The following ARHGAP26 variants were observed in gnomAD, a reference collection of about 807,000 sequenced individuals.
ARHGAP26 encodes the protein rho GTPase-activating protein 26.
ARHGAP26 carries 38 observed loss-of-function variants against 104.8 expected under a neutral mutation model. The observed-to-expected ratio is 0.36, with a 90% confidence interval of 0.28 to 0.48. ARHGAP26 has a LOEUF of 0.48. ARHGAP26 is among the 20% of genes least tolerant of loss of function. The probability of loss-of-function intolerance (pLI) is 0.99; values close to 1 mark genes in which losing one functional copy is unlikely to be tolerated. For missense variants in ARHGAP26, 704 were observed against 947.9 expected (o/e 0.74, Z 3.38); for synonymous variants, 341 against 340.0 (o/e 1.00, Z -0.03).
chr5:142,944,276 C>G (rs1418023108), intron 11 of ARHGAP26, among the ~76,000 whole-genome samples: 1 of 152,100 alleles, frequency 6.6e-6, no homozygotes, highest in Middle Eastern at 3.2e-3. Flanking sequence ...GATTATTAGG[C>G]CTTTAGTCTT....
At chr5:142,987,265 T>C (rs561658025) in intron 11 of ARHGAP26, among the ~76,000 whole-genome samples, 16 of 152,330 alleles carry the variant, frequency 1.1e-4, no homozygotes, top group African/African-American at 3.8e-4. Flanking sequence ...CAATTGTGAA[T>C]GGGAGTTCAC....
rs377107959 is a variant in ARHGAP26, at chr5:143,079,689, G to A, written c.1538+21942G>A. Among the ~76,000 whole-genome samples, 60 of 152,250 alleles carry A rather than the reference G, an allele frequency of 3.9e-4. No homozygotes were observed. In the South Asian group the frequency reaches 0.012, roughly 30 times the overall value. Reference sequence around the variant, plus strand: ...CTTGCTTCATCTCAATGACTCCTTGGGATATTGTTATGTGTACATTGGACC... The same window carrying A: ...CTTGCTTCATCTCAATGACTCCTTGAGATATTGTTATGTGTACATTGGACC... On this transcript the variant is annotated intron_variant, in intron 17 of 22. Coordinates refer to ENST00000645722, the MANE Select transcript of ARHGAP26 (RefSeq NM_001135608.3).
intron 8 of ARHGAP26, among the ~76,000 whole-genome samples, chr5:142,906,416 C>T (rs1450827706): frequency 1.3e-5 from 2 of 152,212 alleles, no homozygotes; most frequent in Non-Finnish European, 2.9e-5. Context: ...GGTGACTTCT[C>T]AGTTCCACCA....
chr5:143,083,372 T>C (rs1391736424), intron 17 of ARHGAP26, among the ~76,000 whole-genome samples: 1 of 152,246 alleles, frequency 6.6e-6, no homozygotes, highest in Non-Finnish European at 1.5e-5. Flanking sequence ...CAGGCATACC[T>C]TGTGAGATGA....
At chr5:142,858,153 A>G (rs2152294896) in intron 1 of ARHGAP26, among the ~76,000 whole-genome samples, 1 of 151,438 alleles carries the variant, frequency 6.6e-6, no homozygotes, top group Middle Eastern at 3.4e-3. Context: ...CTTTCCCTCA[A>G]GTGATATACC....
At chr5:142,890,436 G>A (rs1040257150) in intron 5 of ARHGAP26, among the ~76,000 whole-genome samples, 12 of 151,432 alleles carry the variant, frequency 7.9e-5, no homozygotes, top group Admixed American at 2.6e-4. Context: ...CAGTGGGTTA[G>A]GATGGGAGGA....
rs76062669 is a variant in ARHGAP26, at chr5:142,934,950, T to A, written c.1107+2825T>A. 2.6e-3 allele frequency among the ~76,000 whole-genome samples: 393 copies of A among 152,324 alleles called. 9 individuals carry two copies. In the East Asian group the frequency reaches 0.042, roughly 16 times the overall value. On this transcript the variant is annotated intron_variant, in intron 11 of 22. Coordinates refer to ENST00000645722, the MANE Select transcript of ARHGAP26 (RefSeq NM_001135608.3). ...GTTTTAGCATTAAATCATACTTTTT[T>A]AATACACAGTCATATCCTAGTCTAA...
chr5:143,152,145 G>A (rs1247506259), intron 20 of ARHGAP26, among the ~76,000 whole-genome samples: 1 of 152,068 alleles, frequency 6.6e-6, no homozygotes, highest in Non-Finnish European at 1.5e-5. Context: ...GTATGATGCT[G>A]GAATGGGATA....
chr5:143,055,618 T>C (rs959743109), intron 15 of ARHGAP26, among the ~76,000 whole-genome samples: 1 of 152,216 alleles, frequency 6.6e-6, no homozygotes, highest in East Asian at 1.9e-4. Context: ...AAAAATCTTT[T>C]ATAGTGTTTC....
At chr5:143,084,232 C>G (rs956956746) in intron 17 of ARHGAP26, among the ~76,000 whole-genome samples, 1 of 152,108 alleles carries the variant, frequency 6.6e-6, no homozygotes, top group African/African-American at 2.4e-5. Flanking sequence ...AAACTTAATC[C>G]TAGTTTAAAA....
At chr5:143,193,539 C>T (rs1467429431) in intron 20 of ARHGAP26, among the ~76,000 whole-genome samples, 6 of 152,246 alleles carry the variant, frequency 3.9e-5, no homozygotes, top group Admixed American at 1.3e-4. Flanking sequence ...CGTGAGCCAC[C>T]ATGCCCCGGC....
At chr5:142,774,760 G>A (rs1378290030) in intron 1 of ARHGAP26, among the ~76,000 whole-genome samples, 2 of 151,748 alleles carry the variant, frequency 1.3e-5, no homozygotes, top group Non-Finnish European at 2.9e-5. Flanking sequence ...CACTAACCCC[G>A]GGCAACCACT....
At chr5:142,886,199 C>T (rs891002437) in intron 5 of ARHGAP26, among the ~76,000 whole-genome samples, 1 of 152,154 alleles carries the variant, frequency 6.6e-6, no homozygotes, top group Non-Finnish European at 1.5e-5. Context: ...ATATGTTTGC[C>T]AAAAGAGGCT....
intron 1 of ARHGAP26, among the ~76,000 whole-genome samples, chr5:142,775,326 A>T (rs1054683202): frequency 6.6e-6 from 1 of 152,104 alleles, no homozygotes; most frequent in Admixed American, 6.5e-5. Context: ...ATCTCATTTT[A>T]AAAAATTTAG....
At chr5:143,144,741 G>C (rs1347227818) in intron 19 of ARHGAP26, among the ~76,000 whole-genome samples, 1 of 152,180 alleles carries the variant, frequency 6.6e-6, no homozygotes, top group Non-Finnish European at 1.5e-5. Flanking sequence ...GACTCCAAAT[G>C]CTGTAAAATT....
intron 22 of ARHGAP26, among the ~76,000 whole-genome samples, chr5:143,217,049 G>A (rs1189843591): frequency 1.3e-5 from 2 of 151,984 alleles, no homozygotes; most frequent in Admixed American, 1.3e-4. Context: ...GGGGATATGA[G>A]GTAAAGGCTG....
At chr5:142,797,327 T>G (rs1489371438) in intron 1 of ARHGAP26, among the ~76,000 whole-genome samples, 1 of 152,210 alleles carries the variant, frequency 6.6e-6, no homozygotes, top group Non-Finnish European at 1.5e-5. Context: ...GTTTTTATAA[T>G]TAGATAGAAT....
At chr5:142,893,200 T>C (rs1383493520) in intron 5 of ARHGAP26, among the ~76,000 whole-genome samples, 1 of 151,990 alleles carries the variant, frequency 6.6e-6, no homozygotes, top group African/African-American at 2.4e-5. Flanking sequence ...ATTGTCTCGA[T>C]CTCTTGACCT....
intron 20 of ARHGAP26, among the ~76,000 whole-genome samples, chr5:143,193,455 G>C (rs1229724481): frequency 1.3e-5 from 2 of 151,852 alleles, no homozygotes; most frequent in Non-Finnish European, 2.9e-5. Flanking sequence ...CACCATGTTG[G>C]CCAGGCTGGT....
Sources: gnomAD v4.1 joint callset for allele counts (sites outside exome capture counted in the v4.1 genomes callset) on GRCh38, gnomAD v4.1.1 for gene constraint, MANE v1.5 for transcripts, NCBI Gene and HGNC (gene_info 2026-07-23, HGNC 2026-07-21) for gene names.